CEP85L: variants seen among roughly 807,000 people sequenced by gnomAD.
CEP85L encodes centrosomal protein 85L, also known as centrosomal protein of 85 kDa-like.
Under a neutral mutation model 100.3 loss-of-function variants are expected in CEP85L, and 60 were observed. The ratio of observed to expected loss-of-function variants is 0.60; its 90% CI spans 0.49 to 0.74. The LOEUF is 0.74. Among genes scored for constraint, CEP85L ranks in the 30% least tolerant of loss-of-function variants. The pLI is 0.00. For missense variants in CEP85L, 973 were observed against 936.2 expected (o/e 1.04, Z -0.51); for synonymous variants, 319 against 322.7 (o/e 0.99, Z 0.12).
chr6:118,506,500 T>C (rs73766532), intron 5 of CEP85L, among the ~76,000 whole-genome samples: 4,110 of 152,274 alleles, frequency 0.027, 192 homozygotes, highest in African/African-American at 0.093. Flanking sequence ...CTTATGTAAG[T>C]TGGAAAAAGC....
intron 1 of CEP85L, among the ~76,000 whole-genome samples, chr6:118,663,686 C>T (rs917693649): frequency 7.2e-5 from 11 of 151,996 alleles, no homozygotes; most frequent in Non-Finnish European, 1.5e-4. Context: ...TACAGTTGTC[C>T]ATTGGTACCC....
At chr6:118,567,374 A>T (rs913501660) in intron 2 of CEP85L, among the ~76,000 whole-genome samples, 1 of 150,234 alleles carries the variant, frequency 6.7e-6, no homozygotes, top group Non-Finnish European at 1.5e-5. Context: ...GTACATTTTT[A>T]CCTCCAAAAT....
At chr6:118,498,595 TAAAAAAA>T (rs66813095) in intron 5 of CEP85L, among the ~76,000 whole-genome samples, 1 of 102,924 alleles carries the variant, frequency 9.7e-6, no homozygotes, top group Non-Finnish European at 2.0e-5. Context: ...CCCAATCTGT[TAAAAAAA>T]AAAAAAAAAA....
At chr6:118,638,207 C>CA (rs200482893) in intron 1 of CEP85L, among the ~76,000 whole-genome samples, 447 of 123,586 alleles carry the variant, frequency 3.6e-3, no homozygotes, top group Middle Eastern at 8.3e-3. Flanking sequence ...GAGACCGTCT[C>CA]AAAAAAAAAA....
intron 3 of CEP85L, among the ~76,000 whole-genome samples, chr6:118,556,799 A>G (rs965280889): frequency 6.6e-6 from 1 of 152,202 alleles, no homozygotes; most frequent in Non-Finnish European, 1.5e-5. Flanking sequence ...TTCAAAATTG[A>G]CACATAAGTA....
rs1231484850 is a variant in CEP85L, at chr6:118,614,861, C to CAGAT, written c.232+17591_232+17592insATCT. Among the ~76,000 whole-genome samples the CAGAT allele has an allele frequency of 2.7e-3, 387 of 142,118 alleles. 1 individual carries two copies. The highest frequency in any genetic ancestry group is 4.7e-3 in the Admixed American group (67 of 14,106). The allele number at this position is 142,118 out of a possible 152,430, so 93.2% of individuals were successfully genotyped here. A position where few individuals can be genotyped will look rare whatever the true frequency, so the allele number is the denominator to read the frequency against. On this transcript the variant is annotated intron_variant, in intron 2 of 12. Coordinates refer to ENST00000368491, the MANE Select transcript of CEP85L (RefSeq NM_001042475.3). ...CATCATTCATTCATAGACAGACAGA[C>CAGAT]AGACAGATAGATAGATAGATAGATA...
At chr6:118,698,964 C>G (rs900397890) in intron 1 of CEP85L, among the ~76,000 whole-genome samples, 3 of 152,102 alleles carry the variant, frequency 2.0e-5, no homozygotes, top group African/African-American at 4.8e-5. Flanking sequence ...CAGAATTCTG[C>G]CATTTACTGA....
At position 118,463,657 on chromosome 6, in the gene CEP85L, G is replaced by A. The variant is rs1471449426; in HGVS notation, c.*1748C>T. On this transcript the variant is annotated 3_prime_UTR_variant, in exon 13 of 13. Coordinates refer to ENST00000368491, the MANE Select transcript of CEP85L (RefSeq NM_001042475.3). ...TTAGGTTAAGGACTCTGGGATGCAG[G>A]AGCACTACAATGTACTTACTGATTT... 1 of 151,950 alleles carries A rather than the reference G, an allele frequency of 6.6e-6. No homozygotes were observed. Among genetic ancestry groups the A allele is most frequent in the African/African-American group, 2.4e-5 (1 of 41,392 alleles). 9.4% of individuals were successfully genotyped at this position (151,950 alleles called of 1,614,324 possible).
At chr6:118,642,542 A>T (rs116054031) in intron 1 of CEP85L, among the ~76,000 whole-genome samples, 326 of 152,352 alleles carry the variant, frequency 2.1e-3, no homozygotes, top group African/African-American at 7.6e-3. Context: ...GGTTAGCAGC[A>T]TCAAGTAAGT....
At chr6:118,681,976 G>C (rs1776677704) in intron 1 of CEP85L, among the ~76,000 whole-genome samples, 1 of 152,074 alleles carries the variant, frequency 6.6e-6, no homozygotes. Context: ...CTGACCTCAG[G>C]TGATCCACCT....
intron 1 of CEP85L, among the ~76,000 whole-genome samples, chr6:118,689,882 C>T (rs984758264): frequency 2.0e-5 from 3 of 150,976 alleles, no homozygotes; most frequent in Non-Finnish European, 2.9e-5. Flanking sequence ...CAGTTCTTGT[C>T]CCAGGTATAG....
intron 5 of CEP85L, among the ~76,000 whole-genome samples, chr6:118,499,496 T>C (rs1775136241): frequency 6.6e-6 from 1 of 151,918 alleles, no homozygotes; most frequent in South Asian, 2.1e-4. Flanking sequence ...AAACCCCGTC[T>C]CTACTAAAAA....
intron 5 of CEP85L, chr6:118,502,428 G>A (rs2114670794): frequency 3.8e-6 from 2 of 530,058 alleles, no homozygotes; most frequent in East Asian, 9.3e-5. Context: ...GGCCCTATAA[G>A]AGTTGGAGAT....
intron 1 of CEP85L, among the ~76,000 whole-genome samples, chr6:118,634,599 T>C (rs1413016850): frequency 1.3e-5 from 2 of 152,206 alleles, no homozygotes; most frequent in African/African-American, 2.4e-5. Flanking sequence ...TTGTAGATTC[T>C]AGACTTCTCT....
intron 3 of CEP85L, among the ~76,000 whole-genome samples, chr6:118,545,241 G>C (rs1778128109): frequency 6.6e-6 from 1 of 152,188 alleles, no homozygotes; most frequent in African/African-American, 2.4e-5. Context: ...ACAGACTGGA[G>C]TTTAAATGCT....
intron 2 of CEP85L, among the ~76,000 whole-genome samples, chr6:118,580,068 C>T (rs1157658112): frequency 2.0e-5 from 3 of 152,154 alleles, no homozygotes; most frequent in African/African-American, 7.2e-5. Flanking sequence ...AACCCAATCC[C>T]CTGGACTCTA....
chr6:118,619,630 G>A (rs1279521053), intron 2 of CEP85L, among the ~76,000 whole-genome samples: 2 of 152,146 alleles, frequency 1.3e-5, no homozygotes, highest in Non-Finnish European at 2.9e-5. Flanking sequence ...TCCCTTACAA[G>A]CAGTAGGAGG....
At chr6:118,519,356 A>G (rs1258024325) in intron 4 of CEP85L, among the ~76,000 whole-genome samples, 2 of 150,974 alleles carry the variant, frequency 1.3e-5, no homozygotes, top group Non-Finnish European at 3.0e-5. Flanking sequence ...GAAGAACTGC[A>G]TGAACCCGGG....
chr6:118,590,700 C>G (rs1781139314), intron 2 of CEP85L, among the ~76,000 whole-genome samples: 1 of 152,076 alleles, frequency 6.6e-6, no homozygotes. Flanking sequence ...CCTCTTCCTT[C>G]TTTCTTGCTT....
Sources: allele counts gnomAD v4.1 joint callset (sites outside exome capture counted in the v4.1 genomes callset), GRCh38; gene constraint gnomAD v4.1.1; transcripts MANE v1.5; gene names NCBI Gene and HGNC (gene_info 2026-07-23, HGNC 2026-07-21).